Variants in NRXN1 observed in about 807,000 individuals in gnomAD.
NRXN1 encodes the protein neurexin 1, also known as neurexin-1.
Under a neutral mutation model 150.9 loss-of-function variants are expected in NRXN1, and 39 were observed. That is an observed-to-expected ratio of 0.26 (90% CI 0.20 to 0.34). The LOEUF is 0.34. Among genes scored for constraint, NRXN1 ranks in the 10% least tolerant of loss-of-function variants. The pLI is 1.00. For synonymous variants in NRXN1, 924 were observed against 757.0 expected (o/e 1.22, Z -3.62); for missense variants, 1,815 against 1,949.9 (o/e 0.93, Z 1.30).
chr2:49,994,410 G>C (rs897534964), intron 21 of NRXN1, among the ~76,000 whole-genome samples: 10 of 152,192 alleles, frequency 6.6e-5, no homozygotes, highest in Non-Finnish European at 1.3e-4. Context: ...GAAAGTCCTT[G>C]TAAGGCATTA....
At chr2:50,920,794 C>A (rs951003160) in intron 5 of NRXN1, among the ~76,000 whole-genome samples, 1 of 151,700 alleles carries the variant, frequency 6.6e-6, no homozygotes, top group Non-Finnish European at 1.5e-5. Context: ...GCTGCCAAAA[C>A]CAAAACTGTG....
At chr2:50,984,193 T>C (rs1016274795) in intron 2 of NRXN1, among the ~76,000 whole-genome samples, 11 of 138,004 alleles carry the variant, frequency 8.0e-5, no homozygotes, top group Admixed American at 6.1e-4. Context: ...CCATGTTGGC[T>C]AGGCTGGTCT....
At chr2:50,195,265 C>T (rs61614884) in intron 18 of NRXN1, among the ~76,000 whole-genome samples, 2,896 of 152,202 alleles carry the variant, frequency 0.019, 96 homozygotes, top group African/African-American at 0.067. Context: ...ACCTCATCAG[C>T]GATCACTTCA....
chr2:50,739,992 A>G (rs1200462725), intron 5 of NRXN1, among the ~76,000 whole-genome samples: 1 of 152,166 alleles, frequency 6.6e-6, no homozygotes, highest in East Asian at 1.9e-4. Flanking sequence ...GATTTCTCTA[A>G]GCTCCTTAGC....
intron 5 of NRXN1, among the ~76,000 whole-genome samples, chr2:50,624,642 G>C (rs1680676702): frequency 6.6e-6 from 1 of 152,000 alleles, no homozygotes; most frequent in Admixed American, 6.6e-5. Context: ...GGAGGGAGTA[G>C]TGATAGAAAG....
intron 21 of NRXN1, among the ~76,000 whole-genome samples, chr2:50,046,671 G>T (rs1691854178): frequency 6.6e-6 from 1 of 152,096 alleles, no homozygotes; most frequent in Non-Finnish European, 1.5e-5. Flanking sequence ...TATGAGGTAG[G>T]AAACTGAGGT....
chr2:50,649,255 CACAT>C (rs1386577619), intron 5 of NRXN1, among the ~76,000 whole-genome samples: 3 of 101,262 alleles, frequency 3.0e-5, no homozygotes, highest in Non-Finnish European at 6.2e-5. Flanking sequence ...CACACATACA[CACAT>C]ACACACACAC....
At chr2:50,008,395 A>G (rs542039414) in intron 21 of NRXN1, among the ~76,000 whole-genome samples, 4 of 152,074 alleles carry the variant, frequency 2.6e-5, no homozygotes, top group Non-Finnish European at 5.9e-5. Flanking sequence ...AGTTTGGGGA[A>G]ATACAAAAAG....
At chr2:50,999,386 T>G (rs1261082546) in intron 2 of NRXN1, among the ~76,000 whole-genome samples, 1 of 151,932 alleles carries the variant, frequency 6.6e-6, no homozygotes, top group Admixed American at 6.6e-5. Context: ...AGGCAAATAA[T>G]CAGGAATGAA....
At chr2:50,344,251 T>C (rs1187252334) in intron 17 of NRXN1, among the ~76,000 whole-genome samples, 2 of 152,172 alleles carry the variant, frequency 1.3e-5, no homozygotes, top group Non-Finnish European at 2.9e-5. Context: ...TTATTTTTTA[T>C]CCTAATGTTC....
chr2:50,487,860 C>A (rs1320496624), intron 15 of NRXN1, among the ~76,000 whole-genome samples: 1 of 152,166 alleles, frequency 6.6e-6, no homozygotes, highest in Non-Finnish European at 1.5e-5. Flanking sequence ...CGCATCTGCA[C>A]AGAAGGTAAA....
chr2:50,207,036 C>G (rs1218208741), intron 18 of NRXN1, among the ~76,000 whole-genome samples: 1 of 151,878 alleles, frequency 6.6e-6, no homozygotes, highest in Non-Finnish European at 1.5e-5. Flanking sequence ...TTCTAGCACT[C>G]TTCTTCAAGA....
intron 2 of NRXN1, among the ~76,000 whole-genome samples, chr2:51,001,833 C>T (rs1357917765): frequency 1.3e-5 from 2 of 151,900 alleles, no homozygotes; most frequent in Non-Finnish European, 2.9e-5. Context: ...TCCTCTTCTG[C>T]CTTTCACTCC....
rs964642732 is a variant in NRXN1, at chr2:50,467,247, A to G, written c.3245-1686T>C. Among the ~76,000 whole-genome samples, 5 of 151,720 alleles carry G rather than the reference A, an allele frequency of 3.3e-5. 1 individual carries two copies. The highest frequency in any genetic ancestry group is 2.6e-4 in the Admixed American group (4 of 15,186). On this transcript the variant is annotated intron_variant, in intron 16 of 22. Transcript: ENST00000401669. ...TCAACTCTTATAAACTTCCCTGTGG[A>G]ATAACTGTTACAGTAAAACCTCACT...
chr2:50,414,050 G>C (rs575711380), intron 17 of NRXN1, among the ~76,000 whole-genome samples: 1 of 107,536 alleles, frequency 9.3e-6, no homozygotes, highest in East Asian at 3.4e-4. Flanking sequence ...GTGGGGTGGG[G>C]GGTGGGAAGA....
chr2:50,737,171 G>A (rs994833382), intron 5 of NRXN1, among the ~76,000 whole-genome samples: 1 of 151,852 alleles, frequency 6.6e-6, no homozygotes, highest in South Asian at 2.1e-4. Flanking sequence ...AGGCAGCCTG[G>A]ACAACAAGAG....
chr2:50,161,174 A>G (rs928432280), intron 18 of NRXN1, among the ~76,000 whole-genome samples: 2 of 152,134 alleles, frequency 1.3e-5, no homozygotes, highest in African/African-American at 4.8e-5. Context: ...TATCACCACC[A>G]CCCAACACCC....
chr2:49,985,017 A>G lies in NRXN1; in HGVS notation c.4129-41226T>C, dbSNP rs368567833. ...ATAGGGAGAGAATAACTTAGTGGAG[A>G]GAATGGGGCAGTGAAATCAGACAGA... On this transcript the variant is annotated intron_variant, in intron 21 of 22. Coordinates refer to ENST00000401669, the MANE Select transcript of NRXN1 (RefSeq NM_001330078.2). Among the ~76,000 whole-genome samples, 15 of 152,300 alleles carry G rather than the reference A, an allele frequency of 9.8e-5. No individual in the cohort carries two copies. The South Asian group carries it at 3.1e-3, about 32-fold the overall frequency.
chr2:50,394,435 AT>A (rs1402015445), intron 17 of NRXN1, among the ~76,000 whole-genome samples: 1 of 152,092 alleles, frequency 6.6e-6, no homozygotes, highest in Non-Finnish European at 1.5e-5. Flanking sequence ...TATTCTCACA[AT>A]TAAGTGGGTC....
Sources: gnomAD v4.1 joint callset for allele counts (sites outside exome capture counted in the v4.1 genomes callset) on GRCh38, gnomAD v4.1.1 for gene constraint, MANE v1.5 for transcripts, NCBI Gene and HGNC (gene_info 2026-07-23, HGNC 2026-07-21) for gene names.